Variants in CDK15 observed in about 807,000 individuals in gnomAD.
The protein encoded by CDK15 is cyclin dependent kinase 15, also known as cyclin-dependent kinase 15.
A neutral mutation model predicts 60.3 loss-of-function variants in CDK15; 62 were observed. That is an observed-to-expected ratio of 1.03 (90% CI 0.84 to 1.27). The LOEUF (loss-of-function observed/expected upper bound fraction) is 1.27, where lower values mean the gene tolerates loss of function less well. Among genes scored for constraint, CDK15 ranks in the 50% most tolerant of loss-of-function variants. The pLI, the probability that CDK15 is intolerant of heterozygous loss-of-function variation, is 0.00. For synonymous variants in CDK15, 194 were observed against 195.7 expected (o/e 0.99, Z 0.07); for missense variants, 541 against 527.8 (o/e 1.03, Z -0.25).
At chr2:201,836,189 T>TATATATATA (rs1697075834) in intron 8 of CDK15, among the ~76,000 whole-genome samples, 2 of 65,840 alleles carry the variant, frequency 3.0e-5, no homozygotes, top group African/African-American at 7.9e-5. Flanking sequence ...ATATATATTT[T>TATATATATA]TTTATATATA....
intron 4 of CDK15, among the ~76,000 whole-genome samples, chr2:201,820,916 C>A (rs1253579409): frequency 6.6e-6 from 1 of 152,162 alleles, no homozygotes; most frequent in Non-Finnish European, 1.5e-5. Context: ...ATAAGGTTAA[C>A]AGGTGTGATG....
intron 5 of CDK15, 101 bp downstream of exon 5, chr2:201,823,004 T>G (rs949643688): frequency 5.3e-6 from 4 of 756,998 alleles, no homozygotes; most frequent in South Asian, 3.2e-5. Context: ...TTTATTATAA[T>G]GTGAAAAGTA....
intron 8 of CDK15, among the ~76,000 whole-genome samples, chr2:201,837,285 C>A (rs961581735): frequency 4.7e-5 from 6 of 127,342 alleles, no homozygotes; most frequent in Admixed American, 9.3e-5. Context: ...GAGACCCCGT[C>A]TGAAAGAAAG....
At chr2:201,806,460 G>T (rs1695516018), upstream of CDK15, 1 of 430,410 alleles carries the variant, frequency 2.3e-6, no homozygotes, top group Admixed American at 3.8e-5. Flanking sequence ...ACATCTGAAT[G>T]CAAGCAATCC....
At chr2:201,834,037 G>A in intron 7 of CDK15, 66 bp downstream of exon 7, 1 of 1,562,468 alleles carries the variant, frequency 6.4e-7, no homozygotes, top group South Asian at 1.2e-5. Context: ...ACTTGTTTAA[G>A]CGTTGACTGG....
chr2:201,847,387 A>C lies in CDK15; in HGVS notation c.858A>C (p.Ala286=). 6.2e-7 allele frequency: 1 copy of C among 1,613,864 alleles called. No individual in the cohort carries two copies. Among genetic ancestry groups the C allele is most frequent in the South Asian group, 1.1e-5 (1 of 91,030 alleles). Residue 286 remains alanine, a synonymous_variant, in exon 9 of 14, where the codon GCA becomes GCC. Coordinates refer to ENST00000652192, the MANE Select transcript of CDK15 (RefSeq NM_001366386.2). The part of the protein sequence containing the change: ...EYSSELDIWG[A]GCIFIEMFQG... Reference sequence around the variant, plus strand: ...CTCTTATTTCATTTGCTAGGGGTGCAGGCTGCATCTTTATTGAAATGTTCC... The same window carrying C: ...CTCTTATTTCATTTGCTAGGGGTGCCGGCTGCATCTTTATTGAAATGTTCC...
intron 6 of CDK15, among the ~76,000 whole-genome samples, chr2:201,830,628 A>G (rs555413146): frequency 4.1e-4 from 63 of 152,314 alleles, no homozygotes; most frequent in South Asian, 6.2e-4. Flanking sequence ...AGCTGTTCTC[A>G]TGGGCACTAA....
rs1409671110 is a variant in CDK15 at position 201,858,880 on chromosome 2, G to C, written c.1009+3943G>C. ...GTAACATCCCCTCAAAGAAGTGGGT[G>C]TTGCTCTGTGACCCCCCAAAACGCT... On this transcript the variant is annotated intron_variant, in intron 10 of 13. Coordinates refer to ENST00000652192, the MANE Select transcript of CDK15 (RefSeq NM_001366386.2). Among the ~76,000 whole-genome samples the C allele has an allele frequency of 2.0e-5, 3 of 152,132 alleles. No individual in the cohort carries two copies. The East Asian group carries it at 5.8e-4, about 29-fold the overall frequency.
intron 10 of CDK15, among the ~76,000 whole-genome samples, chr2:201,871,476 C>G (rs1309856989): frequency 6.6e-6 from 1 of 150,960 alleles, no homozygotes; most frequent in Admixed American, 6.6e-5. Flanking sequence ...TTTTTAACCA[C>G]TTTTGAGTCT....
At chr2:201,889,034 C>G in intron 12 of CDK15, 1 of 985,394 alleles carries the variant, frequency 1.0e-6, no homozygotes, top group South Asian at 4.7e-5. Context: ...GCTCCCCTTT[C>G]CAGCCTATTT....
At position 201,894,403 on chromosome 2, in the gene CDK15, G is replaced by A. The variant is rs891811129; in HGVS notation, c.*1136G>A. 5 of 152,218 alleles carry A rather than the reference G, an allele frequency of 3.3e-5. No homozygotes were observed. The highest frequency in any genetic ancestry group is 5.9e-5 in the Non-Finnish European group (4 of 68,036). 9.4% of individuals were successfully genotyped at this position (152,218 alleles called of 1,614,324 possible). On this transcript the variant is annotated 3_prime_UTR_variant, in exon 14 of 14. Transcript: ENST00000652192. ...CTGCCTGAGTAAGTATCTGATTTTAGTAAGGCATTTGACAAAGACTGTCCA... is the reference window on the plus strand; with the variant it reads ...CTGCCTGAGTAAGTATCTGATTTTAATAAGGCATTTGACAAAGACTGTCCA...
intron 10 of CDK15, among the ~76,000 whole-genome samples, chr2:201,863,804 G>A (rs956896799): frequency 6.6e-6 from 1 of 152,164 alleles, no homozygotes; most frequent in Non-Finnish European, 1.5e-5. Context: ...ACTGAGGCAG[G>A]AGAATCACTT....
chr2:201,852,215 T>A (rs1697941336), intron 9 of CDK15, among the ~76,000 whole-genome samples: 1 of 152,240 alleles, frequency 6.6e-6, no homozygotes, highest in Admixed American at 6.5e-5. Flanking sequence ...ATTTGTGTTT[T>A]ACTAAACGTA....
chr2:201,836,433 T>A (rs1185274716), intron 8 of CDK15, among the ~76,000 whole-genome samples: 2 of 151,642 alleles, frequency 1.3e-5, no homozygotes, highest in South Asian at 4.1e-4. Flanking sequence ...GCCCAAGGCA[T>A]CTTCTGAATC....
chr2:201,871,412 G>T (rs1372076306), intron 10 of CDK15, among the ~76,000 whole-genome samples: 1 of 150,610 alleles, frequency 6.6e-6, no homozygotes, highest in Non-Finnish European at 1.5e-5. Flanking sequence ...GCCTCCCAAA[G>T]TGCTGGGATT....
intron 12 of CDK15, among the ~76,000 whole-genome samples, chr2:201,890,064 A>G (rs1699591740): frequency 6.6e-6 from 1 of 152,006 alleles, no homozygotes; most frequent in Admixed American, 6.6e-5. Flanking sequence ...AAGAAAAAAA[A>G]AAAAAAAAAA....
Position 201,838,254 on chromosome 2 carries a change from G to A in CDK15, c.851+2491G>A, listed in dbSNP as rs117368939. ...ACATTTTTTGTTTTCACAGCTGGGG[G>A]TGGGGTGGTGGGGGGTATCACTGGC... On this transcript the variant is annotated intron_variant, in intron 8 of 13. Transcript: ENST00000652192. Among the ~76,000 whole-genome samples the A allele has an allele frequency of 7.9e-5, 12 of 151,718 alleles. No homozygotes were observed. The East Asian group carries it at 2.3e-3, about 29-fold the overall frequency.
At chr2:201,832,170 C>T (rs1007230082) in intron 6 of CDK15, among the ~76,000 whole-genome samples, 4 of 152,176 alleles carry the variant, frequency 2.6e-5, no homozygotes, top group African/African-American at 9.6e-5. Context: ...CTCAGCCTCC[C>T]GAGTAGCTGG....
chr2:201,890,074 AG>A (rs1343201434), intron 12 of CDK15, among the ~76,000 whole-genome samples: 7 of 150,390 alleles, frequency 4.7e-5, no homozygotes, highest in Non-Finnish European at 7.4e-5. Flanking sequence ...AAAAAAAAAA[AG>A]ATTGCCTAAT....
Sources: gnomAD v4.1 joint callset for allele counts (sites outside exome capture counted in the v4.1 genomes callset) on GRCh38, gnomAD v4.1.1 for gene constraint, MANE v1.5 for transcripts, NCBI Gene and HGNC (gene_info 2026-07-23, HGNC 2026-07-21) for gene names.